The following CORO7 variants were observed in gnomAD, a reference collection of about 807,000 sequenced individuals.
CORO7 encodes coronin 7.
CORO7 carries 107 observed loss-of-function variants against 126.6 expected under a neutral mutation model. The observed-to-expected ratio is 0.85, with a 90% CI of 0.72 to 0.99. The LOEUF is 0.99. Among genes scored for constraint, CORO7 ranks in the 50% least tolerant of loss-of-function variants. The probability of loss-of-function intolerance (pLI) is 0.00; values close to 1 mark genes in which losing one functional copy is unlikely to be tolerated. For synonymous variants in CORO7, 603 were observed against 536.8 expected (o/e 1.12, Z -1.70); for missense variants, 1,314 against 1,255.8 (o/e 1.05, Z -0.70).
Position 4,355,334 on chromosome 16 carries a change from C to G in CORO7, c.2724G>C (p.Glu908Asp), listed in dbSNP as rs746398029. Residue 908 changes from glutamate (E) to aspartate (D), a missense_variant, in exon 27 of 28, where the codon GAG (glutamate) becomes GAC (aspartate). By Grantham distance (45) the Glu-to-Asp change is conservative. Coordinates refer to ENST00000251166, the MANE Select transcript of CORO7 (RefSeq NM_024535.5). Reference protein sequence around the residue: ...NAMVAKLGNREDPLPQDSFEG... With the variant: ...NAMVAKLGNRDDPLPQDSFEG... Reference sequence around the variant, plus strand: ...CAAAGGAGTCCTGGGGGAGTGGGTCCTCCCGGTTCCCCAGTTTTGCCACCA... The same window carrying G: ...CAAAGGAGTCCTGGGGGAGTGGGTCGTCCCGGTTCCCCAGTTTTGCCACCA... The G allele has an allele frequency of 5.0e-6, 8 of 1,612,602 alleles. No homozygotes were observed. The highest frequency in any genetic ancestry group is 6.8e-6 in the Non-Finnish European group (8 of 1,179,952).
intron 9 of CORO7, among the ~76,000 whole-genome samples, chr16:4,369,596 G>A (rs1456150648): frequency 1.3e-5 from 2 of 152,182 alleles, no homozygotes; most frequent in East Asian, 1.9e-4. Flanking sequence ...TTCAGCCTCC[G>A]GATAAGCCCC....
chr16:4,380,964 G>A (rs1266532185), intron 9 of CORO7: 2 of 1,604,028 alleles, frequency 1.2e-6, no homozygotes, highest in Non-Finnish European at 8.5e-7. Flanking sequence ...CCGGCTGCCA[G>A]TGCAGCCAGC....
intron 14 of CORO7, chr16:4,363,016 G>T: frequency 2.8e-6 from 1 of 359,552 alleles, no homozygotes; most frequent in Non-Finnish European, 5.0e-6. Flanking sequence ...TATTTTAAGA[G>T]AAGCCAGAAA....
intron 7 of CORO7, among the ~76,000 whole-genome samples, chr16:4,390,268 C>T (rs553615016): frequency 1.1e-4 from 17 of 152,082 alleles, no homozygotes; most frequent in Non-Finnish European, 1.8e-4. Flanking sequence ...GTTTCCATGT[C>T]TGTAAAAAGC....
intron 9 of CORO7, among the ~76,000 whole-genome samples, chr16:4,376,761 C>T (rs561867502): frequency 7.2e-5 from 11 of 152,246 alleles, no homozygotes; most frequent in East Asian, 5.8e-4. Context: ...CTGAAGGGGC[C>T]GCCAAGGGAC....
intron 16 of CORO7, 125 bp downstream of exon 16, chr16:4,361,860 G>T: frequency 6.9e-7 from 1 of 1,439,480 alleles, no homozygotes; most frequent in Non-Finnish European, 9.4e-7. Flanking sequence ...GAGGATCACA[G>T]GACAGGCGGG....
At chr16:4,381,662 G>T (rs377213714) in intron 9 of CORO7, 1 of 1,604,014 alleles carries the variant, frequency 6.2e-7, no homozygotes, top group East Asian at 2.2e-5. Flanking sequence ...GACCTGGCCG[G>T]CCTGGCTGCC....
chr16:4,364,570 G>A (rs764601898), intron 13 of CORO7, 27 bp downstream of exon 13: 1 of 1,545,350 alleles, frequency 6.5e-7, no homozygotes. Context: ...GGGGAGGCTG[G>A]GAGAGGTGAG....
intron 9 of CORO7, chr16:4,382,952 A>C (rs1431050002): frequency 6.9e-7 from 1 of 1,442,730 alleles, no homozygotes; most frequent in Non-Finnish European, 9.1e-7. Context: ...TGAGATGGCC[A>C]GCCCCCTCCT....
chr16:4,359,340 AAG>A lies in CORO7; in HGVS notation c.2294_2295del (p.Pro765LeufsTer12). On this transcript the variant is annotated frameshift_variant, in exon 23 of 28. Transcript: ENST00000251166. LOFTEE classifies it high-confidence loss of function. Reference sequence around the variant, plus strand: ...GTGAAGCTGTTGCACTCCAGGAAGAAAGGGGACTCGGGGAGCAGCTCGTACAG... The same window carrying A: ...GTGAAGCTGTTGCACTCCAGGAAGAAGGGACTCGGGGAGCAGCTCGTACAG... ...VFLYELLPES[P>X]FFLECNSFTS... 1 of 1,613,024 alleles carries A rather than the reference AAG, an allele frequency of 6.2e-7. No individual in the cohort carries two copies. Among genetic ancestry groups the A allele is most frequent in the Non-Finnish European group, 8.5e-7 (1 of 1,179,782 alleles).
At chr16:4,398,779 C>G (rs543866231) in intron 6 of CORO7, among the ~76,000 whole-genome samples, 1 of 151,968 alleles carries the variant, frequency 6.6e-6, no homozygotes, top group Admixed American at 6.6e-5. Flanking sequence ...ACCAGTGTGG[C>G]CAACATAGTG....
intron 9 of CORO7, chr16:4,382,166 G>A: frequency 6.3e-7 from 1 of 1,594,254 alleles, no homozygotes. Context: ...CACCTGGCGT[G>A]CTTGTGCCCC....
At chr16:4,358,210 T>C in intron 24 of CORO7, 107 bp from the exon 25 acceptor site, 2 of 1,541,638 alleles carry the variant, frequency 1.3e-6, no homozygotes, top group Non-Finnish European at 1.8e-6. Flanking sequence ...CCCACCAGCC[T>C]GGGGCTTCCA....
At position 4,412,445 on chromosome 16, in the gene CORO7, C is replaced by G. The variant is rs374955047; in HGVS notation, c.158-15G>C. On this transcript the variant is annotated splice_polypyrimidine_tract_variant and intron_variant, in intron 2 of 27. Transcript: ENST00000251166. ...GCCCAGTACACCTGTTAAACAAACA[C>G]GGGGACTCTGACTTCAGGCCCCACA... 2 of 1,613,910 alleles carry G rather than the reference C, an allele frequency of 1.2e-6. No individual in the cohort carries two copies. Among genetic ancestry groups the G allele is most frequent in the African/African-American group, 1.3e-5 (1 of 74,932 alleles).
In CORO7 at chr16:4,364,790, G is replaced by A. The variant is rs755640512; in HGVS notation, c.1029C>T (p.Tyr343=). Residue 343 remains tyrosine (Y), a synonymous_variant, in exon 12 of 28, where the codon TAC becomes TAT. Coordinates refer to ENST00000251166, the MANE Select transcript of CORO7 (RefSeq NM_024535.5). ...LSDTAIVPIG[Y]HVPRKAVEFH... ...TCCCCCTCACCTTGCGGGGCACATG[G>A]TAGCCGATGGGCACGATGGCTGTGT... The A allele has an allele frequency of 1.2e-6, 2 of 1,611,296 alleles. No individual in the cohort carries two copies. The highest frequency in any genetic ancestry group is 1.7e-6 in the Non-Finnish European group (2 of 1,179,448).
intron 9 of CORO7, chr16:4,371,842 CGAGCCGACTCCG>C (rs1567261841): frequency 6.6e-6 from 1 of 152,084 alleles, no homozygotes; most frequent in Non-Finnish European, 1.5e-5. Flanking sequence ...CTGCCTCCAG[CGAGCCGACTCCG>C]GAGCCCGAGC....
intron 25 of CORO7, 184 bp downstream of exon 25, chr16:4,357,784 G>T: frequency 9.2e-7 from 1 of 1,085,138 alleles, no homozygotes; most frequent in Non-Finnish European, 1.3e-6. Context: ...GGGGACCTGT[G>T]ATGAAAACAC....
chr16:4,390,437 T>C (rs935775998), intron 7 of CORO7, among the ~76,000 whole-genome samples: 2 of 152,170 alleles, frequency 1.3e-5, no homozygotes, highest in African/African-American at 4.8e-5. Context: ...GATAGCAGGG[T>C]ACCGCCAGAC....
chr16:4,383,500 T>C (rs2055079998), intron 9 of CORO7: 1 of 167,004 alleles, frequency 6.0e-6, no homozygotes, highest in Non-Finnish European at 1.5e-5. Flanking sequence ...AGGCCTTTTG[T>C]AAGAAAAAAT....
Sources: gnomAD v4.1 joint callset for allele counts (sites outside exome capture counted in the v4.1 genomes callset) on GRCh38, gnomAD v4.1.1 for gene constraint, MANE v1.5 for transcripts, NCBI Gene and HGNC (gene_info 2026-07-23, HGNC 2026-07-21) for gene names.